Variants in CFAP43 observed in about 807,000 individuals in gnomAD.
CFAP43 encodes the protein cilia and flagella associated protein 43, also known as cilia- and flagella-associated protein 43.
In CFAP43, 155 loss-of-function variants were observed where a neutral mutation model predicts 218.9. The ratio of observed to expected loss-of-function variants is 0.71; its 90% confidence interval spans 0.62 to 0.81. CFAP43 has a LOEUF of 0.81. Ranked by LOEUF, CFAP43 falls within the 30% of genes least tolerant of loss-of-function variation. CFAP43 has a pLI of 0.00. For missense variants in CFAP43, 1,778 were observed against 1,954.3 expected (o/e 0.91, Z 1.70); for synonymous variants, 645 against 681.3 (o/e 0.95, Z 0.83).
chr10:104,137,480 T>C (rs994425394), intron 34 of CFAP43, among the ~76,000 whole-genome samples: 2 of 152,110 alleles, frequency 1.3e-5, no homozygotes, highest in Non-Finnish European at 2.9e-5. Context: ...GAATAATTGC[T>C]TAATGGGTGT....
chr10:104,162,478 G>A, intron 24 of CFAP43, 75 bp from the exon 25 acceptor site: 1 of 1,321,888 alleles, frequency 7.6e-7, no homozygotes, highest in Non-Finnish European at 1.1e-6. Context: ...CATACTGGGA[G>A]GAGGCTGGAA....
chr10:104,179,176 A>C lies in CFAP43; in HGVS notation c.2383-70T>G, dbSNP rs1025859170. ...CAGACAGAGAGAGAGAGAGAGAGAGAGAGAGCAATTCTCTAGAAACAGAAA... is the reference window on the plus strand; with the variant it reads ...CAGACAGAGAGAGAGAGAGAGAGAGCGAGAGCAATTCTCTAGAAACAGAAA... On this transcript the variant is annotated intron_variant, in intron 18 of 37. Transcript: ENST00000357060. 334 of 1,315,112 alleles carry C rather than the reference A, an allele frequency of 2.5e-4. 2 individuals are homozygous for C. Among genetic ancestry groups the C allele is most frequent in the Non-Finnish European group, 3.2e-4 (303 of 937,000 alleles). 81.5% of individuals were successfully genotyped at this position (1,315,112 alleles called of 1,614,324 possible). A position where few individuals can be genotyped will look rare whatever the true frequency, so the allele number is the denominator to read the frequency against.
At chr10:104,212,503 A>G (rs1402074051) in intron 4 of CFAP43, among the ~76,000 whole-genome samples, 1 of 152,116 alleles carries the variant, frequency 6.6e-6, no homozygotes, top group East Asian at 1.9e-4. Flanking sequence ...GGCAGGGACC[A>G]CTCAGTTCAA....
intron 3 of CFAP43, among the ~76,000 whole-genome samples, chr10:104,218,341 G>C (rs559584): frequency 0.38 from 49,373 of 128,902 alleles, 9,764 homozygotes; most frequent in African/African-American, 0.59. Context: ...GAGTGAGACT[G>C]TGTCTCAAAA....
intron 28 of CFAP43, among the ~76,000 whole-genome samples, chr10:104,151,322 C>T (rs1034697738): frequency 4.6e-5 from 7 of 152,216 alleles, no homozygotes; most frequent in Middle Eastern, 3.4e-3. Context: ...ATTGCCATAC[C>T]GCTTTCCACA....
intron 27 of CFAP43, among the ~76,000 whole-genome samples, chr10:104,158,650 AGTTATG>A (rs1279954886): frequency 6.6e-6 from 1 of 152,252 alleles, no homozygotes. Context: ...CAATAAAAAA[AGTTATG>A]AAGGACACTA....
intron 17 of CFAP43, among the ~76,000 whole-genome samples, chr10:104,181,277 G>A (rs1356418394): frequency 6.6e-6 from 1 of 151,888 alleles, no homozygotes; most frequent in African/African-American, 2.4e-5. Context: ...CAATTCATCA[G>A]TGAGTTCTAT....
In CFAP43 at chr10:104,131,382, G is replaced by T. The variant is rs1216017910; in HGVS notation, c.4780C>A (p.Arg1594=). 6.2e-7 allele frequency: 1 copy of T among 1,613,402 alleles called. No individual in the cohort carries two copies. The highest frequency in any genetic ancestry group is 1.3e-5 in the African/African-American group (1 of 74,846). Residue 1594 remains arginine (R), a synonymous_variant, in exon 37 of 38, where the codon CGA becomes AGA. Coordinates refer to ENST00000357060, the MANE Select transcript of CFAP43 (RefSeq NM_025145.7). ...TCTGAGACAGCTACCAACTCTTCTC[G>T]TAGATTGCAGCTTAGGGCATAATTT... The part of the protein sequence containing the change: ...IANYALSCNL[R]EELVAVSERK...
chr10:104,186,267 A>G, intron 14 of CFAP43, 144 bp from the exon 15 acceptor site: 1 of 662,274 alleles, frequency 1.5e-6, no homozygotes, highest in East Asian at 3.3e-5. Flanking sequence ...TTGTAAATAA[A>G]TGGATATAGG....
chr10:104,222,950 A>G (rs1196036745), intron 3 of CFAP43, among the ~76,000 whole-genome samples: 2 of 152,248 alleles, frequency 1.3e-5, no homozygotes, highest in Admixed American at 6.5e-5. Context: ...CTCTTTCTAT[A>G]AAGGACCAGA....
chr10:104,225,682 A>C (rs1040631069), intron 2 of CFAP43, 125 bp from the exon 3 acceptor site: 7 of 757,642 alleles, frequency 9.2e-6, no homozygotes, highest in African/African-American at 7.2e-5. Flanking sequence ...TAACTATTAG[A>C]ATAAGAAAGA....
At chr10:104,132,302 T>C (rs2087235888) in intron 35 of CFAP43, 106 bp from the exon 36 acceptor site, 2 of 856,612 alleles carry the variant, frequency 2.3e-6, no homozygotes, top group Admixed American at 2.9e-5. Context: ...ATAACAAATA[T>C]CTATGCAAGT....
Position 104,167,630 on chromosome 10 carries a change from CTCTGCTTCAATCT to C in CFAP43, c.2786_2798del (p.Lys929SerfsTer10). 1 of 1,607,278 alleles carries C rather than the reference CTCTGCTTCAATCT, an allele frequency of 6.2e-7. No individual in the cohort carries two copies. The highest frequency in any genetic ancestry group is 8.5e-7 in the Non-Finnish European group (1 of 1,178,060). Reference sequence around the variant, plus strand: ...ATATTTAAAATAGTACTTTAAGACACTCTGCTTCAATCTTCTTTTGCTGTAAAACTCTTTCCAA... The same window carrying C: ...ATATTTAAAATAGTACTTTAAGACACTCTTTTGCTGTAAAACTCTTTCCAA... On this transcript the variant is annotated frameshift_variant, in exon 22 of 38. Transcript: ENST00000357060. LOFTEE classifies it high-confidence loss of function.
At chr10:104,205,740 T>C (rs2090668451) in intron 7 of CFAP43, among the ~76,000 whole-genome samples, 1 of 152,210 alleles carries the variant, frequency 6.6e-6, no homozygotes, top group Non-Finnish European at 1.5e-5. Context: ...TTGTGTTTGT[T>C]TGCAGTAATA....
chr10:104,207,581 T>G, intron 6 of CFAP43, 84 bp downstream of exon 6: 1 of 1,319,720 alleles, frequency 7.6e-7, no homozygotes, highest in Admixed American at 2.3e-5. Flanking sequence ...TTCAAAGATG[T>G]CTCCAAGAAA....
intron 36 of CFAP43, 26 bp downstream of exon 36, chr10:104,132,090 T>A: frequency 2.6e-6 from 4 of 1,535,884 alleles, no homozygotes; most frequent in Non-Finnish European, 3.5e-6. Context: ...TGTTAGGATA[T>A]AATAACCAAC....
intron 23 of CFAP43, 50 bp from the exon 24 acceptor site, chr10:104,164,350 T>C: frequency 7.5e-7 from 1 of 1,342,040 alleles, no homozygotes; most frequent in Non-Finnish European, 1.0e-6. Flanking sequence ...ATATCTTTAC[T>C]GGTAACATGA....
chr10:104,143,888 T>C (rs1232467854), intron 31 of CFAP43, among the ~76,000 whole-genome samples: 2 of 152,200 alleles, frequency 1.3e-5, no homozygotes, highest in African/African-American at 4.8e-5. Flanking sequence ...TGACAGACAA[T>C]TGTGTCTGTG....
chr10:104,193,845 CT>C lies in CFAP43; in HGVS notation c.1442+20del. 6.2e-7 allele frequency: 1 copy of C among 1,610,904 alleles called. No individual in the cohort carries two copies. Among genetic ancestry groups the C allele is most frequent in the Non-Finnish European group, 8.5e-7 (1 of 1,177,990 alleles). Reference sequence around the variant, plus strand: ...AGACGGGTGTGACACGGAGCCGCTCCTGGAGGCAGAAAGGACTTACACGACG... The same window carrying C: ...AGACGGGTGTGACACGGAGCCGCTCCGGAGGCAGAAAGGACTTACACGACG... On this transcript the variant is annotated intron_variant, in intron 11 of 37. Transcript: ENST00000357060.
Sources: allele counts gnomAD v4.1 joint callset (sites outside exome capture counted in the v4.1 genomes callset), GRCh38; gene constraint gnomAD v4.1.1; transcripts MANE v1.5; gene names NCBI Gene and HGNC (gene_info 2026-07-23, HGNC 2026-07-21).